HS3ST4: variants seen among roughly 807,000 people sequenced by gnomAD.
The protein encoded by HS3ST4 is heparan sulfate glucosamine 3-O-sulfotransferase 4.
HS3ST4 carries 17 observed loss-of-function variants against 29.2 expected under a neutral mutation model. That is an observed-to-expected ratio of 0.58 (90% CI 0.40 to 0.87). The LOEUF is 0.87. Among genes scored for constraint, HS3ST4 ranks in the 40% least tolerant of loss-of-function variants. The probability of loss-of-function intolerance (pLI) is 0.00; values close to 1 mark genes in which losing one functional copy is unlikely to be tolerated. For missense variants in HS3ST4, 627 were observed against 634.5 expected (o/e 0.99, Z 0.13); for synonymous variants, 314 against 285.7 (o/e 1.10, Z -1.00).
chr16:25,707,005 T>G, intron 1 of HS3ST4, among the ~76,000 whole-genome samples: 1 of 152,226 alleles, frequency 6.6e-6, no homozygotes, highest in East Asian at 1.9e-4. Context: ...TGCGCTGTCC[T>G]GCTCTGTGCC....
intron 1 of HS3ST4, among the ~76,000 whole-genome samples, chr16:26,043,552 T>A (rs181486334): frequency 6.6e-6 from 1 of 152,290 alleles, no homozygotes; most frequent in Non-Finnish European, 1.5e-5. Flanking sequence ...ATCATGACGT[T>A]CTAGTGAGGA....
rs146991873 is a variant in HS3ST4 at position 25,730,282 on chromosome 16, T to C, written c.734+37131T>C. 1.8e-3 allele frequency among the ~76,000 whole-genome samples: 278 copies of C among 152,254 alleles called. 8 individuals carry two copies. The East Asian group carries it at 0.05, about 28-fold the overall frequency. ...CTTTGAGCCTAAACAGTAAGAAAGT[T>C]GGTACTAGAACAGCTCCTTGGGTTG... On this transcript the variant is annotated intron_variant, in intron 1 of 1. Coordinates refer to ENST00000331351, the MANE Select transcript of HS3ST4 (RefSeq NM_006040.3).
At chr16:25,800,382 GTCTCTTTTTCTCTCCCCCTC>G (rs1233619195) in intron 1 of HS3ST4, among the ~76,000 whole-genome samples, 11 of 150,964 alleles carry the variant, frequency 7.3e-5, no homozygotes, top group Non-Finnish European at 1.3e-4. Flanking sequence ...CTTTTTCTCT[GTCTCTTTTTCTCTCCCCCTC>G]TCTCTTTTTC....
intron 1 of HS3ST4, among the ~76,000 whole-genome samples, chr16:25,798,283 A>G (rs995404298): frequency 5.3e-5 from 8 of 152,208 alleles, no homozygotes; most frequent in Non-Finnish European, 1.5e-5. Flanking sequence ...GTTTAGGCTA[A>G]GATATGCTGC....
chr16:25,961,864 A>G (rs917418530), intron 1 of HS3ST4, among the ~76,000 whole-genome samples: 4 of 152,184 alleles, frequency 2.6e-5, no homozygotes, highest in African/African-American at 7.2e-5. Context: ...CTTACTTAGA[A>G]AGTTCATGTG....
At chr16:26,111,861 A>C (rs1225256939) in intron 1 of HS3ST4, among the ~76,000 whole-genome samples, 1 of 152,058 alleles carries the variant, frequency 6.6e-6, no homozygotes, top group Non-Finnish European at 1.5e-5. Context: ...TATTAAAAAT[A>C]CAGAAATTAG....
intron 1 of HS3ST4, among the ~76,000 whole-genome samples, chr16:25,935,665 C>T (rs12102884): frequency 1.3e-5 from 2 of 152,160 alleles, no homozygotes; most frequent in African/African-American, 4.8e-5. Flanking sequence ...CTTTTTAGTG[C>T]TGAATAATAT....
chr16:26,137,551 C>T lies in HS3ST4; in HGVS notation c.*1303C>T, dbSNP rs989509008. On this transcript the variant is annotated 3_prime_UTR_variant, in exon 2 of 2. Coordinates refer to ENST00000331351, the MANE Select transcript of HS3ST4 (RefSeq NM_006040.3). ...ACATAAAGCACTTGTTCACAGATCT[C>T]CAAAACCAGGAATTGTTCTAGTAAA... 6.6e-6 allele frequency: 1 copy of T among 152,084 alleles called. No homozygotes were observed. The highest frequency in any genetic ancestry group is 1.5e-5 in the Non-Finnish European group (1 of 68,034). The allele number at this position is 152,084 out of a possible 1,614,324, so 9.4% of individuals were successfully genotyped here.
rs1000845968 is a variant in HS3ST4 at position 25,699,362 on chromosome 16, G to T, written c.734+6211G>T. Among the ~76,000 whole-genome samples, 4 of 152,304 alleles carry T rather than the reference G, an allele frequency of 2.6e-5. No homozygotes were observed. In the South Asian group the frequency reaches 8.3e-4, roughly 32 times the overall value. On this transcript the variant is annotated intron_variant, in intron 1 of 1. Transcript: ENST00000331351. ...GCCTGATATAAACAAGAACATTGAG[G>T]CAGAAAAAAGAAAATTCGCAAATAC...
intron 1 of HS3ST4, among the ~76,000 whole-genome samples, chr16:25,958,805 T>A (rs1378259427): frequency 6.6e-6 from 1 of 152,178 alleles, no homozygotes; most frequent in Non-Finnish European, 1.5e-5. Flanking sequence ...TGGCTGGTGT[T>A]GGCTCCTCAC....
At chr16:25,731,249 A>G (rs1211354427) in intron 1 of HS3ST4, among the ~76,000 whole-genome samples, 1 of 152,198 alleles carries the variant, frequency 6.6e-6, no homozygotes, top group East Asian at 1.9e-4. Flanking sequence ...AGGGCCCTAC[A>G]TGAACAAAAA....
chr16:25,946,541 G>A (rs1459624962), intron 1 of HS3ST4, among the ~76,000 whole-genome samples: 4 of 152,208 alleles, frequency 2.6e-5, no homozygotes, highest in South Asian at 2.1e-4. Flanking sequence ...CTGAGCATCA[G>A]CAATGTGCCA....
Position 25,842,475 on chromosome 16 carries a change from G to A in HS3ST4, c.734+149324G>A, listed in dbSNP as rs186931545. ...TTTTTCTTGCTTCTCTTTAGCCCAC[G>A]GACTGTGATGTTTTGGAAGGAAGAA... On this transcript the variant is annotated intron_variant, in intron 1 of 1. Transcript: ENST00000331351. Among the ~76,000 whole-genome samples, 339 of 152,186 alleles carry A rather than the reference G, an allele frequency of 2.2e-3. 1 individual carries two copies. The highest frequency in any genetic ancestry group is 7.2e-3 in the African/African-American group (298 of 41,510).
intron 1 of HS3ST4, among the ~76,000 whole-genome samples, chr16:26,016,074 G>A (rs540446840): frequency 2.6e-5 from 4 of 152,274 alleles, no homozygotes; most frequent in Admixed American, 1.3e-4. Context: ...TGGTGAGGCC[G>A]AAAAACTCTC....
intron 1 of HS3ST4, among the ~76,000 whole-genome samples, chr16:25,920,592 T>C (rs13336668): frequency 0.19 from 25,128 of 135,712 alleles, 3,055 homozygotes; most frequent in African/African-American, 0.33. Context: ...TTCCCCTCAC[T>C]GCCGCCCCCA....
intron 1 of HS3ST4, among the ~76,000 whole-genome samples, chr16:26,044,671 A>T (rs4075434): frequency 2.6e-5 from 4 of 152,088 alleles, no homozygotes; most frequent in African/African-American, 7.2e-5. Context: ...CAAGCTAGGG[A>T]TACATATCCA....
chr16:25,692,376 G>T lies in HS3ST4; in HGVS notation c.-42G>T, dbSNP rs1966257579. On this transcript the variant is annotated 5_prime_UTR_variant, in exon 1 of 2. Transcript: ENST00000331351. Reference sequence around the variant, plus strand: ...GAAACCATGTCCGGGCAGCGCCGGGGGCTGCCGCCGCCGCCGCCGCCGCCG... The same window carrying T: ...GAAACCATGTCCGGGCAGCGCCGGGTGCTGCCGCCGCCGCCGCCGCCGCCG... 4 of 436,024 alleles carry T rather than the reference G, an allele frequency of 9.2e-6. No homozygotes were observed. Among genetic ancestry groups the T allele is most frequent in the Non-Finnish European group, 1.2e-5 (4 of 327,800 alleles). 27.0% of individuals were successfully genotyped at this position (436,024 alleles called of 1,614,324 possible).
chr16:25,750,406 G>A (rs151125118), intron 1 of HS3ST4, among the ~76,000 whole-genome samples: 1 of 152,262 alleles, frequency 6.6e-6, no homozygotes, highest in Non-Finnish European at 1.5e-5. Context: ...TGTGTTCAAG[G>A]CAAGAAGACA....
Position 25,938,360 on chromosome 16 carries a change from T to C in HS3ST4, c.735-197252T>C, listed in dbSNP as rs145079870. On this transcript the variant is annotated intron_variant, in intron 1 of 1. Transcript: ENST00000331351. ...ATTTTGTAGTTGCAGGCAGATGAGA[T>C]TGGGGACTTTCGAGTTACATATATT... Among the ~76,000 whole-genome samples the C allele has an allele frequency of 4.4e-3, 666 of 152,198 alleles. 4 individuals are homozygous for C. Among genetic ancestry groups the C allele is most frequent in the African/African-American group, 0.016 (646 of 41,518 alleles).
Sources: allele counts gnomAD v4.1 joint callset (sites outside exome capture counted in the v4.1 genomes callset), GRCh38; gene constraint gnomAD v4.1.1; transcripts MANE v1.5; gene names NCBI Gene and HGNC (gene_info 2026-07-23, HGNC 2026-07-21).